SARS1: variants seen among roughly 807,000 people sequenced by gnomAD.
SARS1 encodes the protein seryl-tRNA synthetase 1.
A neutral mutation model predicts 63.7 loss-of-function variants in SARS1; 25 were observed. The ratio of observed to expected loss-of-function variants is 0.39; its 90% CI spans 0.29 to 0.55. SARS1 has a LOEUF of 0.55. SARS1 is among the 20% of genes least tolerant of loss of function. The pLI is 0.62. For missense variants in SARS1, 417 were observed against 649.7 expected, an observed-to-expected ratio of 0.64 and a Z score of 3.89; for synonymous variants, 231 against 243.5, an observed-to-expected ratio of 0.95 and a Z score of 0.48.
intron 6 of SARS1, among the ~76,000 whole-genome samples, chr1:109,233,783 G>C (rs1655253429): frequency 6.6e-6 from 1 of 150,600 alleles, no homozygotes; most frequent in African/African-American, 2.4e-5. Flanking sequence ...TGCAACCTCT[G>C]CCTCCTGGGT....
At position 109,231,800 on chromosome 1, in the gene SARS1, G is replaced by A. The variant is rs369444256; in HGVS notation, c.747+14G>A. ...GAACTTTATAAGGTGAGTAGCCTGGGTCAGGTGACAGAATGACTTCTTAAG... is the reference window on the plus strand; with the variant it reads ...GAACTTTATAAGGTGAGTAGCCTGGATCAGGTGACAGAATGACTTCTTAAG... On this transcript the variant is annotated intron_variant, in intron 6 of 10. Coordinates refer to ENST00000234677, the MANE Select transcript of SARS1 (RefSeq NM_006513.4). The A allele has an allele frequency of 6.7e-7, 1 of 1,502,972 alleles. No individual in the cohort carries two copies. The highest frequency in any genetic ancestry group is 1.4e-5 in the African/African-American group (1 of 70,130). 93.1% of individuals were successfully genotyped at this position (1,502,972 alleles called of 1,614,324 possible).
At chr1:109,236,210 T>C (rs1655304089) in intron 8 of SARS1, 104 bp downstream of exon 8, 4 of 1,394,306 alleles carry the variant, frequency 2.9e-6, no homozygotes. Flanking sequence ...TTCAACTCAT[T>C]GCCCACATTA....
Position 109,231,088 on chromosome 1 carries a change from T to A in SARS1, c.591+67T>A, listed in dbSNP as rs1414138128. ...AACAAAATATATATATATATATTTT[T>A]TTTTTTTTTTGTAGAGAAACATAAT... On this transcript the variant is annotated intron_variant, in intron 5 of 10. Coordinates refer to ENST00000234677, the MANE Select transcript of SARS1 (RefSeq NM_006513.4). The A allele has an allele frequency of 1.9e-3, 1,831 of 961,408 alleles. 23 individuals carry two copies. The African/African-American group carries it at 0.027, about 14-fold the overall frequency. The allele number at this position is 961,408 out of a possible 1,614,324, so 59.6% of individuals were successfully genotyped here.
chr1:109,218,214 AAAATT>A (rs1557713971), intron 1 of SARS1, among the ~76,000 whole-genome samples: 2 of 146,174 alleles, frequency 1.4e-5, no homozygotes, highest in Non-Finnish European at 3.0e-5. Context: ...AAAAAAAAAA[AAAATT>A]AGCCAGGCGT....
chr1:109,235,897 T>TC lies in SARS1; in HGVS notation c.970-79dup. 1 of 1,398,698 alleles carries TC rather than the reference T, an allele frequency of 7.1e-7. No individual in the cohort carries two copies. The highest frequency in any genetic ancestry group is 9.7e-7 in the Non-Finnish European group (1 of 1,032,444). The allele number at this position is 1,398,698 out of a possible 1,614,324, so 86.6% of individuals were successfully genotyped here. ...CTCCCAGTGGTGTGGAAACAGGTCT[T>TC]CATGGCAAGGATGTCTCCCACTTCA... On this transcript the variant is annotated intron_variant, in intron 7 of 10. Coordinates refer to ENST00000234677, the MANE Select transcript of SARS1 (RefSeq NM_006513.4). This position sits in a 1 kb window ranked among gnomAD's most constrained non-coding sequence, Gnocchi z 4.7.
At chr1:109,232,524 G>C (rs1204498231) in intron 6 of SARS1, among the ~76,000 whole-genome samples, 1 of 152,204 alleles carries the variant, frequency 6.6e-6, no homozygotes, top group Non-Finnish European at 1.5e-5. Context: ...GGTAGAGTTA[G>C]ACAACTGCTG....
rs1655291786 is a variant in SARS1 at position 109,235,640 on chromosome 1, A to G, written c.969+209A>G. Among the ~76,000 whole-genome samples, 1 of 152,138 alleles carries G rather than the reference A, an allele frequency of 6.6e-6. No homozygotes were observed. On this transcript the variant is annotated intron_variant, in intron 7 of 10. Coordinates refer to ENST00000234677, the MANE Select transcript of SARS1 (RefSeq NM_006513.4). This position sits in a 1 kb window ranked among gnomAD's most constrained non-coding sequence, Gnocchi z 4.7. ...CGGCTTTACCACTCACCAGCTGTGT[A>G]ACATTGGGCATAATGCATAAGCCCC... is the stretch of plus-strand genomic sequence containing the variant.
intron 1 of SARS1, among the ~76,000 whole-genome samples, chr1:109,223,730 G>C (rs908200656): frequency 1.3e-5 from 2 of 152,176 alleles, no homozygotes; most frequent in African/African-American, 4.8e-5. Flanking sequence ...CTTGAACCTG[G>C]GAGGCAGAAG....
At chr1:109,226,675 A>ATATATATATAT (rs1164050994) in intron 2 of SARS1, among the ~76,000 whole-genome samples, 1 of 32,436 alleles carries the variant, frequency 3.1e-5, no homozygotes, top group African/African-American at 8.8e-5. Context: ...AAAAAAAAAA[A>ATATATATATAT]AAATATATAT....
chr1:109,215,117 G>A (rs1192296685), intron 1 of SARS1: 1 of 985,300 alleles, frequency 1.0e-6, no homozygotes, highest in African/African-American at 1.7e-5. Context: ...CTGTTTATAA[G>A]GATCTTGGAT....
chr1:109,216,372 T>C (rs1470252284), intron 1 of SARS1: 3 of 985,286 alleles, frequency 3.0e-6, no homozygotes, highest in African/African-American at 1.7e-5. Flanking sequence ...GAGTCCAGTA[T>C]AACTTGGAGT....
rs771565091 is a variant in SARS1, at chr1:109,221,960, T to TTTTTTGTGTGTGTG, written c.137-2017_137-2016insTTTTGTGTGTGTGT. ...ACACCACCATGCTCAGCTAATTTTT[T>TTTTTTGTGTGTGTG]TGTGTGTGTGTATATATATATATAT... On this transcript the variant is annotated intron_variant, in intron 1 of 10. Transcript: ENST00000234677. Among the ~76,000 whole-genome samples, 10 of 10,076 alleles carry TTTTTTGTGTGTGTG rather than the reference T, an allele frequency of 9.9e-4. 1 individual carries two copies. Among genetic ancestry groups the TTTTTTGTGTGTGTG allele is most frequent in the African/African-American group, 1.5e-3 (10 of 6,848 alleles). 6.6% of individuals were successfully genotyped at this position (10,076 alleles called of 152,430 possible).
chr1:109,227,035 A>C (rs1363839446), intron 2 of SARS1, among the ~76,000 whole-genome samples: 3 of 137,762 alleles, frequency 2.2e-5, no homozygotes, highest in Non-Finnish European at 3.0e-5. Flanking sequence ...TTACTCTGTC[A>C]CCCAGGCTGG....
At chr1:109,224,839 A>G (rs1054295204) in intron 2 of SARS1, among the ~76,000 whole-genome samples, 25 of 152,184 alleles carry the variant, frequency 1.6e-4, no homozygotes, top group African/African-American at 5.3e-4. Context: ...GCTCACGCCT[A>G]TAATCCCAGC....
intron 1 of SARS1, chr1:109,216,257 A>T: frequency 5.1e-6 from 5 of 985,370 alleles, no homozygotes; most frequent in Non-Finnish European, 6.0e-6. Flanking sequence ...ATGCTCCCTA[A>T]TTGAGGACAC....
At chr1:109,225,997 T>C (rs1471069255) in intron 2 of SARS1, among the ~76,000 whole-genome samples, 1 of 152,140 alleles carries the variant, frequency 6.6e-6, no homozygotes. Context: ...TTCCAACTTT[T>C]TTTCTTTTTT....
At position 109,224,761 on chromosome 1, in the gene SARS1, C is replaced by G. The variant is rs756815885; in HGVS notation, c.207+713C>G. Among the ~76,000 whole-genome samples the G allele has an allele frequency of 1.4e-4, 21 of 152,066 alleles. 1 individual carries two copies. Among genetic ancestry groups the G allele is most frequent in the Non-Finnish European group, 1.9e-4 (13 of 68,012 alleles). ...TATCCAGAATAGTTCATGTTTTTAA[C>G]CTTCCTTCAAAAATACCTGTTTAGC... On this transcript the variant is annotated intron_variant, in intron 2 of 10. Transcript: ENST00000234677.
chr1:109,221,115 C>T (rs1212055909), intron 1 of SARS1, among the ~76,000 whole-genome samples: 1 of 149,756 alleles, frequency 6.7e-6, no homozygotes, highest in African/African-American at 2.5e-5. Context: ...GGCTGGAATG[C>T]AGTGGCGTGA....
At chr1:109,222,382 T>C (rs559088476) in intron 1 of SARS1, among the ~76,000 whole-genome samples, 9 of 146,052 alleles carry the variant, frequency 6.2e-5, no homozygotes, top group South Asian at 2.1e-4. Flanking sequence ...TTTGCACACA[T>C]GTGTGTGTGT....
Sources: allele counts gnomAD v4.1 joint callset (sites outside exome capture counted in the v4.1 genomes callset), GRCh38; gene constraint gnomAD v4.1.1; non-coding constraint Gnocchi (gnomAD v3.1); transcripts MANE v1.5; gene names NCBI Gene and HGNC (gene_info 2026-07-23, HGNC 2026-07-21).